KIF14: variants seen among roughly 807,000 people sequenced by gnomAD.
KIF14 encodes kinesin family member 14.
KIF14 carries 98 observed loss-of-function variants against 176.2 expected under a neutral mutation model. The ratio of observed to expected loss-of-function variants is 0.56; its 90% CI spans 0.47 to 0.66. The LOEUF is 0.66. Among genes scored for constraint, KIF14 ranks in the 30% least tolerant of loss-of-function variants. The probability of loss-of-function intolerance (pLI) is 0.00; values close to 1 mark genes in which losing one functional copy is unlikely to be tolerated. For missense variants in KIF14, 1,751 were observed against 1,920.4 expected, an observed-to-expected ratio of 0.91 and a Z score of 1.65; for synonymous variants, 566 against 632.2, an observed-to-expected ratio of 0.90 and a Z score of 1.57.
chr1:200,560,794 C>T lies in KIF14; in HGVS notation c.4158G>A (p.Gly1386=). 2 of 1,614,078 alleles carry T rather than the reference C, an allele frequency of 1.2e-6. No individual in the cohort carries two copies. The highest frequency in any genetic ancestry group is 1.7e-6 in the Non-Finnish European group (2 of 1,179,938). The change falls in exon 26 of 30, where the codon GGG becomes GGA. Residue 1386 remains glycine, a synonymous_variant. Transcript: ENST00000367350. ...QIVQQAVKYV[G]QLAVLKGSKL... The stretch of plus-strand genomic sequence containing the variant: ...TGCTCCCTTTCAGAACTGCTAACTG[C>T]CCCACATACTTTACAGCTTGTTGTA...
At chr1:200,600,246 T>G in intron 12 of KIF14, 110 bp downstream of exon 12, 3 of 1,270,834 alleles carry the variant, frequency 2.4e-6, no homozygotes, top group Non-Finnish European at 3.4e-6. Flanking sequence ...AGTGGGCTGC[T>G]CTATTCATAA....
At chr1:200,582,931 C>A (rs1348729506) in intron 19 of KIF14, among the ~76,000 whole-genome samples, 1 of 151,784 alleles carries the variant, frequency 6.6e-6, no homozygotes, top group Non-Finnish European at 1.5e-5. Flanking sequence ...CACAACATAC[C>A]TACCAAGTAT....
chr1:200,593,748 C>T lies in KIF14; in HGVS notation c.2571G>A (p.Gly857=), dbSNP rs536020383. ...CCCCAACTGGGATAATACTCACTGT[C>T]CCACCAAAATTTTTGATAGTACTGT... ...DDHCTIKNFG[G]TVSIIPVGEA... Residue 857 remains glycine (G), a synonymous_variant, in exon 15 of 30, where the codon GGG becomes GGA. Transcript: ENST00000367350. 1 of 1,610,390 alleles carries T rather than the reference C, an allele frequency of 6.2e-7. No homozygotes were observed. The highest frequency in any genetic ancestry group is 2.2e-5 in the East Asian group (1 of 44,772).
intron 29 of KIF14, among the ~76,000 whole-genome samples, chr1:200,554,224 C>T (rs1444155065): frequency 6.6e-6 from 1 of 152,092 alleles, no homozygotes; most frequent in East Asian, 1.9e-4. Context: ...AACCCCATCT[C>T]TACTAAAAAT....
rs1309991894 is a variant in KIF14 at position 200,592,072 on chromosome 1, A to C, written c.2813+8T>G. 1.2e-6 allele frequency: 2 copies of C among 1,608,300 alleles called. No homozygotes were observed. The highest frequency in any genetic ancestry group is 2.7e-5 in the African/African-American group (2 of 74,618). On this transcript the variant is annotated splice_region_variant and intron_variant, in intron 16 of 29. Coordinates refer to ENST00000367350, the MANE Select transcript of KIF14 (RefSeq NM_014875.3). ...ACACTTACTATTTCATATCAACAGC[A>C]TACTTACTGTGATCTCTGTGCCATG...
At position 200,618,202 on chromosome 1, in the gene KIF14, A is replaced by T; in HGVS notation, c.522T>A (p.Phe174Leu). ...CATCTAAAGGTACAGAAGAGGCAAC[A>T]AAAGAGTTTTTAGCATTATTTACAA... ...VRIVNNAKNS[F>L]VASSVPLDED... Residue 174 changes from phenylalanine to leucine, a missense_variant, in exon 2 of 30, where the codon TTT becomes TTA. Physicochemically the swap from Phe to Leu is conservative, Grantham distance 22. Transcript: ENST00000367350. 1 of 1,614,050 alleles carries T rather than the reference A, an allele frequency of 6.2e-7. No individual in the cohort carries two copies. The highest frequency in any genetic ancestry group is 8.5e-7 in the Non-Finnish European group (1 of 1,180,016).
At chr1:200,612,473 G>A (rs908429910) in intron 4 of KIF14, among the ~76,000 whole-genome samples, 5 of 152,048 alleles carry the variant, frequency 3.3e-5, no homozygotes, top group African/African-American at 1.2e-4. Context: ...AAAATCTGGA[G>A]AGCCAATAGA....
At chr1:200,565,716 TA>T in intron 23 of KIF14, 47 bp from the exon 24 acceptor site, 1 of 1,258,314 alleles carries the variant, frequency 7.9e-7, no homozygotes, top group South Asian at 1.5e-5. Flanking sequence ...TCAGGAATAA[TA>T]CTTTCTTTTT....
In KIF14 at chr1:200,565,542, T is replaced by TA. The variant is rs1558049770; in HGVS notation, c.3788dup (p.Ala1264SerfsTer6). ...GAAAACTATTAATTAGGCTGTCTGC[T>TA]ATAGTTCTTTCTTCATCATAACTCT... On this transcript the variant is annotated frameshift_variant, in exon 24 of 30. Transcript: ENST00000367350. LOFTEE classifies it high-confidence loss of function. 6.2e-7 allele frequency: 1 copy of TA among 1,611,754 alleles called. No individual in the cohort carries two copies. Among genetic ancestry groups the TA allele is most frequent in the Admixed American group, 1.7e-5 (1 of 59,740 alleles).
At chr1:200,575,893 C>T (rs150184579) in intron 21 of KIF14, among the ~76,000 whole-genome samples, 27 of 152,114 alleles carry the variant, frequency 1.8e-4, no homozygotes, top group African/African-American at 6.0e-4. Flanking sequence ...AAGACATCTA[C>T]TTTTAATAAA....
intron 5 of KIF14, among the ~76,000 whole-genome samples, chr1:200,608,626 G>T (rs1051847372): frequency 6.6e-6 from 1 of 152,134 alleles, no homozygotes; most frequent in Non-Finnish European, 1.5e-5. Context: ...GCCTCCCAAA[G>T]TGCTGGGATT....
intron 14 of KIF14, among the ~76,000 whole-genome samples, chr1:200,596,724 C>T (rs544066821): frequency 1.3e-5 from 2 of 151,564 alleles, no homozygotes; most frequent in South Asian, 2.1e-4. Context: ...ACCACCATGC[C>T]GGGCTAATTT....
At chr1:200,614,229 A>T (rs1660293925) in intron 4 of KIF14, 89 bp downstream of exon 4, 5 of 670,306 alleles carry the variant, frequency 7.5e-6, no homozygotes, top group African/African-American at 7.3e-5. Flanking sequence ...TCTTCCATTA[A>T]GTATTTCCTT....
chr1:200,578,501 G>A (rs1658254524), intron 21 of KIF14, among the ~76,000 whole-genome samples: 1 of 151,426 alleles, frequency 6.6e-6, no homozygotes, highest in African/African-American at 2.4e-5. Flanking sequence ...TAGATAATAT[G>A]AACTTTAAAC....
In KIF14 at chr1:200,586,239, T is replaced by A; in HGVS notation, c.3115-12A>T. The A allele has an allele frequency of 6.4e-7, 1 of 1,562,924 alleles. No individual in the cohort carries two copies. Among genetic ancestry groups the A allele is most frequent in the African/African-American group, 1.4e-5 (1 of 73,558 alleles). ...TGGTCTTCTAAAGCCTAATTGATAT[T>A]CATTCATACAGACCCACATGTGAGA... On this transcript the variant is annotated splice_polypyrimidine_tract_variant and intron_variant, in intron 18 of 29. Coordinates refer to ENST00000367350, the MANE Select transcript of KIF14 (RefSeq NM_014875.3).
intron 18 of KIF14, 136 bp downstream of exon 18, chr1:200,589,078 CAAG>C (rs1658905985): frequency 8.0e-6 from 5 of 627,736 alleles, no homozygotes; most frequent in Non-Finnish European, 1.1e-5. Flanking sequence ...AGCTTTCAGG[CAAG>C]AAGTACTTTT....
chr1:200,569,911 C>T lies in KIF14; in HGVS notation c.3661G>A (p.Gly1221Ser). ...AGAGAAAATGTGAAGAAAAAAATAC[C>T]TGATGAATGTGAAGAATGCAAATTC... The part of the protein sequence containing the change: ...IKNLHSSHSS[G>S]LMDKSSTIYS... The change falls in exon 23 of 30, where the codon GGT becomes AGT. Residue 1221 changes from glycine (G) to serine (S), a missense_variant and splice_region_variant. Transcript: ENST00000367350. The T allele has an allele frequency of 1.9e-6, 3 of 1,552,412 alleles. No individual in the cohort carries two copies. Among genetic ancestry groups the T allele is most frequent in the Non-Finnish European group, 2.7e-6 (3 of 1,129,982 alleles).
At chr1:200,572,236 A>G (rs11586257) in intron 22 of KIF14, among the ~76,000 whole-genome samples, 120,845 of 152,228 alleles carry the variant, frequency 0.79, 48,323 homozygotes, top group African/African-American at 0.89. Flanking sequence ...CTTAGAAAAC[A>G]TTGAGATGTT....
At chr1:200,608,027 T>C (rs1439453652) in intron 5 of KIF14, among the ~76,000 whole-genome samples, 1 of 152,088 alleles carries the variant, frequency 6.6e-6, no homozygotes, top group Non-Finnish European at 1.5e-5. Context: ...TTTATTGTGC[T>C]CCAAGGTCCA....
Sources: allele counts gnomAD v4.1 joint callset (sites outside exome capture counted in the v4.1 genomes callset), GRCh38; gene constraint gnomAD v4.1.1; transcripts MANE v1.5; gene names NCBI Gene and HGNC (gene_info 2026-07-23, HGNC 2026-07-21).